PCDHGA12: variants seen among roughly 807,000 people sequenced by gnomAD.
The protein encoded by PCDHGA12 is protocadherin gamma subfamily A, 12.
A neutral mutation model predicts 61.1 loss-of-function variants in PCDHGA12; 43 were observed. The ratio of observed to expected loss-of-function variants is 0.70; its 90% confidence interval spans 0.55 to 0.91. PCDHGA12 has a LOEUF of 0.91. Ranked by LOEUF, PCDHGA12 falls within the 40% of genes least tolerant of loss-of-function variation. The pLI is 0.00. For missense variants in PCDHGA12, 1,236 were observed against 1,227.7 expected, an observed-to-expected ratio of 1.01 and a Z score of -0.10; for synonymous variants, 520 against 542.9, an observed-to-expected ratio of 0.96 and a Z score of 0.59.
intron 1 of PCDHGA12, among the ~76,000 whole-genome samples, chr5:141,450,013 T>A (rs1178482524): frequency 7.4e-6 from 1 of 135,940 alleles, no homozygotes; most frequent in African/African-American, 3.2e-5. Flanking sequence ...TCTCTTTTTT[T>A]TTTTTTTTTT....
chr5:141,458,619 G>T (rs1393941674), intron 1 of PCDHGA12, among the ~76,000 whole-genome samples: 1 of 152,080 alleles, frequency 6.6e-6, no homozygotes, highest in South Asian at 2.1e-4. Context: ...AGCCAGGCTG[G>T]AGTGCAGTGG....
At chr5:141,435,497 C>T (rs1234443531) in intron 1 of PCDHGA12, among the ~76,000 whole-genome samples, 1 of 152,154 alleles carries the variant, frequency 6.6e-6, no homozygotes, top group African/African-American at 2.4e-5. Context: ...ATTTCCTACA[C>T]TAATGATACT....
At position 141,432,686 on chromosome 5, in the gene PCDHGA12, G is replaced by T. The variant is rs2097528577; in HGVS notation, c.1927G>T (p.Val643Leu). ...CAGAGACGCGCTCAAGCAGAGCCTC[G>T]TAGTGGCCGTCCAGGACCACGGCCA... ...LDRDALKQSL[V>L]VAVQDHGQPP... Residue 643 changes from valine to leucine, a missense_variant, in exon 1 of 4, where the codon GTA (valine) becomes TTA (leucine). Transcript: ENST00000252085. The surrounding 1 kb of genome is among the most constrained non-coding windows in gnomAD (Gnocchi z 6.0). 6.2e-7 allele frequency: 1 copy of T among 1,613,922 alleles called. No individual in the cohort carries two copies. Among genetic ancestry groups the T allele is most frequent in the Non-Finnish European group, 8.5e-7 (1 of 1,179,968 alleles).
At chr5:141,444,358 A>T (rs2098433774) in intron 1 of PCDHGA12, among the ~76,000 whole-genome samples, 1 of 151,436 alleles carries the variant, frequency 6.6e-6, no homozygotes, top group Non-Finnish European at 1.5e-5. Context: ...TTTAGTAGAG[A>T]CGGGGTTTCT....
Position 141,476,645 on chromosome 5 carries a change from A to C in PCDHGA12, c.2425-18162A>C. 1 of 1,614,246 alleles carries C rather than the reference A, an allele frequency of 6.2e-7. No homozygotes were observed. The highest frequency in any genetic ancestry group is 8.5e-7 in the Non-Finnish European group (1 of 1,180,052). On this transcript the variant is annotated intron_variant, in intron 1 of 3. Coordinates refer to ENST00000252085, the MANE Select transcript of PCDHGA12 (RefSeq NM_003735.3). The surrounding 1 kb of genome is among the most constrained non-coding windows in gnomAD (Gnocchi z 7.6). ...TTTACAAACCTATGAGCTGAGCCGA[A>C]ATGAATACTTTGCGCTTCGCGTGCA...
intron 2 of PCDHGA12, among the ~76,000 whole-genome samples, chr5:141,499,083 C>G (rs2099789346): frequency 6.6e-6 from 1 of 152,082 alleles, no homozygotes; most frequent in African/African-American, 2.4e-5. Flanking sequence ...GAAGTTCCTG[C>G]TTGGCACATG....
chr5:141,475,715 C>A (rs989484033), intron 1 of PCDHGA12, among the ~76,000 whole-genome samples: 3 of 152,366 alleles, frequency 2.0e-5, no homozygotes, highest in South Asian at 4.1e-4. Context: ...AGCCTCACAG[C>A]CCCAAGGCTG....
chr5:141,442,321 C>G (rs1323525940), intron 1 of PCDHGA12: 1 of 152,360 alleles, frequency 6.6e-6, no homozygotes, highest in African/African-American at 2.4e-5. Context: ...ATGTCTATCC[C>G]GCGCTAAGCC....
rs1024686607 is a variant in PCDHGA12, at chr5:141,487,597, T to C, written c.2425-7210T>C. 6.2e-7 allele frequency: 1 copy of C among 1,614,178 alleles called. No homozygotes were observed. The highest frequency in any genetic ancestry group is 8.5e-7 in the Non-Finnish European group (1 of 1,180,040). ...TTCGCCCAAGCTGCCCACCCTCTGA[T>C]CTTCTCTATGGGCTAGAGGTGAGAC... On this transcript the variant is annotated intron_variant, in intron 1 of 3. Coordinates refer to ENST00000252085, the MANE Select transcript of PCDHGA12 (RefSeq NM_003735.3). The surrounding 1 kb of genome is among the most constrained non-coding windows in gnomAD (Gnocchi z 5.0).
At chr5:141,509,015 C>G (rs1370464396) in intron 3 of PCDHGA12, among the ~76,000 whole-genome samples, 2 of 152,098 alleles carry the variant, frequency 1.3e-5, no homozygotes, top group African/African-American at 4.8e-5. Context: ...AAGTGGGCAG[C>G]TGCTCCCTCC....
At position 141,491,070 on chromosome 5, in the gene PCDHGA12, G is replaced by T. The variant is rs1405880268; in HGVS notation, c.2425-3737G>T. On this transcript the variant is annotated intron_variant, in intron 1 of 3. Transcript: ENST00000252085. The surrounding 1 kb of genome is among the most constrained non-coding windows in gnomAD (Gnocchi z 6.9). ...ATGCGTGGCTCTCCTACTCACTGTTGCCACAGTCCACAGCCCCAGGACTGT... is the reference window on the plus strand; with the variant it reads ...ATGCGTGGCTCTCCTACTCACTGTTTCCACAGTCCACAGCCCCAGGACTGT... 6.2e-7 allele frequency: 1 copy of T among 1,614,162 alleles called. No homozygotes were observed. Among genetic ancestry groups the T allele is most frequent in the Non-Finnish European group, 8.5e-7 (1 of 1,180,038 alleles).
Position 141,490,602 on chromosome 5 carries a change from C to G in PCDHGA12, c.2425-4205C>G, listed in dbSNP as rs1249440194. On this transcript the variant is annotated intron_variant, in intron 1 of 3. Transcript: ENST00000252085. This position sits in a 1 kb window ranked among gnomAD's most constrained non-coding sequence, Gnocchi z 5.4. Reference sequence around the variant, plus strand: ...ATGTCAATGACAATGCACCCCGCTTCAACCAGCAGCTTTACACTGCTTACA... The same window carrying G: ...ATGTCAATGACAATGCACCCCGCTTGAACCAGCAGCTTTACACTGCTTACA... The G allele has an allele frequency of 6.2e-7, 1 of 1,614,084 alleles. No individual in the cohort carries two copies. Among genetic ancestry groups the G allele is most frequent in the African/African-American group, 1.3e-5 (1 of 74,930 alleles).
At chr5:141,454,774 G>A (rs1228452126) in intron 1 of PCDHGA12, among the ~76,000 whole-genome samples, 2 of 144,796 alleles carry the variant, frequency 1.4e-5, no homozygotes, top group African/African-American at 2.6e-5. Context: ...TTTTTACAAG[G>A]AAATAATCCT....
intron 1 of PCDHGA12, among the ~76,000 whole-genome samples, chr5:141,434,479 A>C (rs2097696849): frequency 6.6e-6 from 1 of 152,202 alleles, no homozygotes; most frequent in African/African-American, 2.4e-5. Flanking sequence ...AGGGCAAGGA[A>C]CACCTGGCCC....
At chr5:141,480,703 C>T (rs577131684) in intron 1 of PCDHGA12, among the ~76,000 whole-genome samples, 10 of 152,252 alleles carry the variant, frequency 6.6e-5, no homozygotes, top group Admixed American at 1.3e-4. Flanking sequence ...GGCCACACCC[C>T]GACAAATGAA....
chr5:141,483,432 ACT>A (rs2099581241), intron 1 of PCDHGA12, among the ~76,000 whole-genome samples: 1 of 152,200 alleles, frequency 6.6e-6, no homozygotes, highest in African/African-American at 2.4e-5. Flanking sequence ...GAGGGAGCTG[ACT>A]ACAATAAAAT....
chr5:141,484,549 G>A (rs939394402), intron 1 of PCDHGA12, among the ~76,000 whole-genome samples: 1 of 152,162 alleles, frequency 6.6e-6, no homozygotes, highest in African/African-American at 2.4e-5. Context: ...GTTCTAATTA[G>A]CAGTTGCTCC....
intron 1 of PCDHGA12, among the ~76,000 whole-genome samples, chr5:141,453,518 C>G (rs1347368114): frequency 6.6e-6 from 1 of 152,114 alleles, no homozygotes; most frequent in African/African-American, 2.4e-5. Context: ...CATTCCTCCC[C>G]TATACCTTCT....
chr5:141,499,689 CTTTTTTTT>C (rs545067566), intron 2 of PCDHGA12, among the ~76,000 whole-genome samples: 2 of 119,856 alleles, frequency 1.7e-5, no homozygotes, highest in Non-Finnish European at 3.5e-5. Flanking sequence ...TAACAGATGA[CTTTTTTTT>C]TTTTTTTTTT....
Sources: allele counts gnomAD v4.1 joint callset (sites outside exome capture counted in the v4.1 genomes callset), GRCh38; gene constraint gnomAD v4.1.1; non-coding constraint Gnocchi (gnomAD v3.1); transcripts MANE v1.5; gene names NCBI Gene and HGNC (gene_info 2026-07-23, HGNC 2026-07-21).